ZNF839: variants seen among roughly 807,000 people sequenced by gnomAD.
ZNF839 encodes renal carcinoma antigen NY-REN-50.
Under a neutral mutation model 56.4 loss-of-function variants are expected in ZNF839, and 38 were observed. The ratio of observed to expected loss-of-function variants is 0.67; its 90% CI spans 0.52 to 0.88. The LOEUF (loss-of-function observed/expected upper bound fraction) is 0.88. Ranked by LOEUF, ZNF839 falls within the 40% of genes least tolerant of loss-of-function variation. The pLI, the probability that ZNF839 is intolerant of heterozygous loss-of-function variation, is 0.00. For missense variants in ZNF839, 1,091 were observed against 1,177.6 expected (o/e 0.93, Z 1.08); for synonymous variants, 486 against 493.5 (o/e 0.98, Z 0.20).
upstream of ZNF839, among the ~76,000 whole-genome samples, chr14:102,318,144 C>G (rs2072951792): frequency 6.6e-6 from 1 of 152,224 alleles, no homozygotes; most frequent in Non-Finnish European, 1.5e-5. Flanking sequence ...CCTGGGGCAG[C>G]TGACACTTAA....
rs1407373462 is a variant in ZNF839, at chr14:102,341,404, G to T, written c.2009G>T (p.Ser670Ile). 6.3e-7 allele frequency: 1 copy of T among 1,575,794 alleles called. No individual in the cohort carries two copies. Among genetic ancestry groups the T allele is most frequent in the East Asian group, 2.2e-5 (1 of 44,482 alleles). ...HTTTVSGGNG[S>I]VFQAGPQLQA... is the part of the protein sequence containing the mutation. ...ACGACGGTTTCTGGTGGCAATGGGA[G>T]CGTGTTCCAGGCGGGCCCGCAGCTT... is the stretch of plus-strand genomic sequence containing the variant. The change falls in exon 8 of 8, where the codon AGC becomes ATC. Residue 670 changes from serine to isoleucine, a missense_variant. Transcript: ENST00000442396.
At chr14:102,325,507 T>G (rs1239722355) in intron 1 of ZNF839, among the ~76,000 whole-genome samples, 1 of 152,112 alleles carries the variant, frequency 6.6e-6, no homozygotes, top group Non-Finnish European at 1.5e-5. Context: ...TTTTTGTTTT[T>G]GTTTTTTTCA....
At chr14:102,328,375 AATAT>A (rs71116898) in intron 2 of ZNF839, among the ~76,000 whole-genome samples, 172 of 16,332 alleles carry the variant, frequency 0.011, 1 homozygote, top group Middle Eastern at 0.071. Flanking sequence ...AAAAAAAAAA[AATAT>A]ATATATATAT....
intron 2 of ZNF839, among the ~76,000 whole-genome samples, chr14:102,329,789 C>CTTT (rs35781672): frequency 4.8e-4 from 49 of 102,090 alleles, no homozygotes; most frequent in Non-Finnish European, 7.1e-4. Flanking sequence ...TAGAGATAAC[C>CTTT]TTTTTTTTTT....
chr14:102,324,513 A>G (rs1205431551), intron 1 of ZNF839, among the ~76,000 whole-genome samples: 1 of 152,160 alleles, frequency 6.6e-6, no homozygotes, highest in Non-Finnish European at 1.5e-5. Flanking sequence ...ACTGCATTCC[A>G]GCCTGGACCA....
intron 7 of ZNF839, among the ~76,000 whole-genome samples, chr14:102,340,381 C>T (rs965600431): frequency 7.2e-5 from 11 of 151,782 alleles, no homozygotes; most frequent in Non-Finnish European, 1.5e-4. Flanking sequence ...AAGCAATTCT[C>T]CTGCCTCAGC....
intron 2 of ZNF839, among the ~76,000 whole-genome samples, chr14:102,328,816 C>T (rs1048662682): frequency 6.6e-6 from 1 of 152,088 alleles, no homozygotes; most frequent in Non-Finnish European, 1.5e-5. Context: ...AATGTCCTCC[C>T]TCTGTAAGAC....
In ZNF839 at chr14:102,326,765, C is replaced by T. The variant is rs147318919; in HGVS notation, c.1069C>T (p.Arg357Trp). The T allele has an allele frequency of 6.4e-4, 1,030 of 1,612,642 alleles. 3 individuals carry two copies. In the African/African-American group the frequency reaches 0.011, roughly 18 times the overall value. Residue 357 changes from arginine to tryptophan, a missense_variant, in exon 2 of 8, where the codon CGG becomes TGG. Transcript: ENST00000442396. The surrounding 1 kb of genome is among the most constrained non-coding windows in gnomAD (Gnocchi z 4.3). ...LSEKASGSTL[R>W]GCTEERTLSL... is the part of the protein sequence containing the mutation. ...TGAGAAAGCCAGTGGAAGCACCCTC[C>T]GGGGGTGCACGGAGGAAAGGACGCT...
chr14:102,333,327 T>C (rs2073874438), intron 3 of ZNF839, among the ~76,000 whole-genome samples: 1 of 149,150 alleles, frequency 6.7e-6, no homozygotes, highest in Non-Finnish European at 1.5e-5. Context: ...GGCTCAATCA[T>C]GGCTCACTGC....
chr14:102,320,457 A>AGAAC (rs2073069961), intron 1 of ZNF839, among the ~76,000 whole-genome samples: 1 of 152,236 alleles, frequency 6.6e-6, no homozygotes, highest in Non-Finnish European at 1.5e-5. Context: ...CACTTGCTGA[A>AGAAC]GAACGAACAT....
rs562616740 is a variant in ZNF839, at chr14:102,331,672, T to G, written c.1242T>G (p.Asn414Lys). 6.2e-7 allele frequency: 1 copy of G among 1,612,758 alleles called. No individual in the cohort carries two copies. The highest frequency in any genetic ancestry group is 2.2e-5 in the East Asian group (1 of 44,850). Residue 414 changes from asparagine (N) to lysine (K), a missense_variant, in exon 3 of 8, where the codon AAT becomes AAG. Physicochemically the swap from Asn to Lys is moderately conservative, Grantham distance 94. Coordinates refer to ENST00000442396, the MANE Select transcript of ZNF839 (RefSeq NM_018335.6). Reference sequence around the variant, plus strand: ...AGACATTGCCATCTGAACCAGAAAATGGAGCTCTTTTGCGATCAGAGAGAT... The same window carrying G: ...AGACATTGCCATCTGAACCAGAAAAGGGAGCTCTTTTGCGATCAGAGAGAT... ...VEETLPSEPENGALLRSERYQ... is the reference protein window; with the variant it reads ...VEETLPSEPEKGALLRSERYQ...
rs371997799 is a variant in ZNF839 at position 102,326,126 on chromosome 14, C to T, written c.430C>T (p.His144Tyr). ...PRGNSCLVGL[H>Y]IASPQLLRVQ... Reference sequence around the variant, plus strand: ...GGGGAATTCCTGCCTGGTGGGGCTCCATATCGCCAGCCCTCAGCTGCTCAG... The same window carrying T: ...GGGGAATTCCTGCCTGGTGGGGCTCTATATCGCCAGCCCTCAGCTGCTCAG... The change falls in exon 2 of 8, where the codon CAT becomes TAT. Residue 144 changes from histidine (H) to tyrosine (Y), a missense_variant. Around this residue, in one of 3 missense-constraint regions of ZNF839, gnomAD observed 614 missense variants for 629.2 expected, o/e 0.98. Transcript: ENST00000442396. This position sits in a 1 kb window ranked among gnomAD's most constrained non-coding sequence, Gnocchi z 4.3. 137 of 1,613,936 alleles carry T rather than the reference C, an allele frequency of 8.5e-5. 1 individual carries two copies. Among genetic ancestry groups the T allele is most frequent in the Non-Finnish European group, 6.3e-5 (74 of 1,179,852 alleles).
chr14:102,319,991 G>T lies in ZNF839; in HGVS notation c.226G>T (p.Ala76Ser). 1 of 1,174,928 alleles carries T rather than the reference G, an allele frequency of 8.5e-7. No homozygotes were observed. The highest frequency in any genetic ancestry group is 1.0e-6 in the Non-Finnish European group (1 of 953,996). 72.8% of individuals were successfully genotyped at this position (1,174,928 alleles called of 1,614,324 possible). ...ARRLRDAAQQ[A>S]ALQRGRGTEP... ...GCGGCTGCGGGACGCGGCCCAACAG[G>T]CCGCCCTGCAGCGGGGCCGGGGCAC... is the stretch of plus-strand genomic sequence containing the variant. Residue 76 changes from alanine to serine, a missense_variant, in exon 1 of 8, where the codon GCC becomes TCC. Physicochemically the swap from Ala to Ser is moderately conservative, Grantham distance 99 (BLOSUM62 1). Coordinates refer to ENST00000442396, the MANE Select transcript of ZNF839 (RefSeq NM_018335.6). The surrounding 1 kb of genome is among the most constrained non-coding windows in gnomAD (Gnocchi z 4.5).
At position 102,341,615 on chromosome 14, in the gene ZNF839, C is replaced by T; in HGVS notation, c.2220C>T (p.Ser740=). 6.2e-7 allele frequency: 1 copy of T among 1,613,948 alleles called. No homozygotes were observed. The highest frequency in any genetic ancestry group is 1.1e-5 in the South Asian group (1 of 91,084). Residue 740 remains serine, a synonymous_variant, in exon 8 of 8, where the codon AGC becomes AGT. Coordinates refer to ENST00000442396, the MANE Select transcript of ZNF839 (RefSeq NM_018335.6). ...EHSSDQDTWD[S]LRSPGFCSPL... is the part of the protein sequence containing the mutation. ...CTTCAGACCAGGACACCTGGGACAG[C>T]CTGAGGAGCCCGGGTTTCTGCAGCC...
In ZNF839 at chr14:102,331,800, C is replaced by T. The variant is rs373962634; in HGVS notation, c.1370C>T (p.Ala457Val). 207 of 1,592,294 alleles carry T rather than the reference C, an allele frequency of 1.3e-4. No homozygotes were observed. The highest frequency in any genetic ancestry group is 2.8e-4 in the Admixed American group (16 of 56,364). The change falls in exon 3 of 8, where the codon GCG becomes GTG. Residue 457 changes from alanine to valine, a missense_variant. This residue lies in a region of ZNF839 where 614 missense variants were observed against 629.2 expected (regional missense o/e 0.98). Transcript: ENST00000442396. ...GCTCAGCTACCTGGTGGCCCTGCTG[C>T]GGCAGGGGAGCAGAGGGCGTCGCCA... ...RAAQLPGGPAAAGEQRASPSK... is the reference protein window; with the variant it reads ...RAAQLPGGPAVAGEQRASPSK...
intron 3 of ZNF839, among the ~76,000 whole-genome samples, chr14:102,333,422 C>A (rs2073878576): frequency 6.6e-6 from 1 of 151,924 alleles, no homozygotes; most frequent in African/African-American, 2.4e-5. Flanking sequence ...CACCCCCACA[C>A]CCAGCTGATT....
rs201492850 is a variant in ZNF839, at chr14:102,332,379, C to A, written c.1416+533C>A. 6.6e-6 allele frequency among the ~76,000 whole-genome samples: 1 copy of A among 152,060 alleles called. No individual in the cohort carries two copies. The highest frequency in any genetic ancestry group is 2.1e-4 in the South Asian group (1 of 4,822). ...CAAACTCCCGACCTCGTGATCCACCCGCCTTGGCTTCCCAAAGTGTTGGGA... is the reference window on the plus strand; with the variant it reads ...CAAACTCCCGACCTCGTGATCCACCAGCCTTGGCTTCCCAAAGTGTTGGGA... On this transcript the variant is annotated intron_variant, in intron 3 of 7. Transcript: ENST00000442396. The surrounding 1 kb of genome is among the most constrained non-coding windows in gnomAD (Gnocchi z 4.9).
At position 102,332,380 on chromosome 14, in the gene ZNF839, G is replaced by A. The variant is rs367802310; in HGVS notation, c.1416+534G>A. ...AAACTCCCGACCTCGTGATCCACCC[G>A]CCTTGGCTTCCCAAAGTGTTGGGAT... On this transcript the variant is annotated intron_variant, in intron 3 of 7. Coordinates refer to ENST00000442396, the MANE Select transcript of ZNF839 (RefSeq NM_018335.6). This position sits in a 1 kb window ranked among gnomAD's most constrained non-coding sequence, Gnocchi z 4.9. Among the ~76,000 whole-genome samples, 13 of 152,022 alleles carry A rather than the reference G, an allele frequency of 8.6e-5. No homozygotes were observed. In the East Asian group the frequency reaches 2.0e-3, roughly 23 times the overall value.
chr14:102,332,411 G>T lies in ZNF839; in HGVS notation c.1416+565G>T, dbSNP rs762302379. The stretch of plus-strand genomic sequence containing the variant: ...GCTTCCCAAAGTGTTGGGATTACAG[G>T]CATGAGCCACCATGCCCGGCCTTCA... On this transcript the variant is annotated intron_variant, in intron 3 of 7. Transcript: ENST00000442396. The surrounding 1 kb of genome is among the most constrained non-coding windows in gnomAD (Gnocchi z 4.9). Among the ~76,000 whole-genome samples, 32 of 152,162 alleles carry T rather than the reference G, an allele frequency of 2.1e-4. 1 individual carries two copies. The highest frequency in any genetic ancestry group is 4.3e-4 in the Non-Finnish European group (29 of 68,006).
Sources: gnomAD v4.1 joint callset for allele counts (sites outside exome capture counted in the v4.1 genomes callset) on GRCh38, gnomAD v4.1.1 for gene constraint, gnomAD v4.1.1 regional missense constraint, Gnocchi (gnomAD v3.1) non-coding constraint, MANE v1.5 for transcripts, NCBI Gene and HGNC (gene_info 2026-07-23, HGNC 2026-07-21) for gene names.